The following PLXDC2 variants were observed in gnomAD, a reference collection of about 807,000 sequenced individuals.
The protein encoded by PLXDC2 is plexin domain containing 2.
A neutral mutation model predicts 68.9 loss-of-function variants in PLXDC2; 40 were observed. The observed-to-expected ratio is 0.58, with a 90% confidence interval of 0.45 to 0.76. PLXDC2 has a LOEUF of 0.76. Among genes scored for constraint, PLXDC2 ranks in the 30% least tolerant of loss-of-function variants. The probability of loss-of-function intolerance (pLI) is 0.00; values close to 1 mark genes in which losing one functional copy is unlikely to be tolerated. For missense variants in PLXDC2, 644 were observed against 661.9 expected, an observed-to-expected ratio of 0.97 and a Z score of 0.30; for synonymous variants, 243 against 234.2, an observed-to-expected ratio of 1.04 and a Z score of -0.34.
chr10:19,849,564 G>A (rs779198287), intron 1 of PLXDC2, among the ~76,000 whole-genome samples: 11 of 152,008 alleles, frequency 7.2e-5, no homozygotes, highest in Non-Finnish European at 1.6e-4. Flanking sequence ...TGGCTTTATA[G>A]TGGGCCTTTC....
chr10:20,019,106 A>AG (rs1233083106), intron 2 of PLXDC2, among the ~76,000 whole-genome samples: 1 of 152,206 alleles, frequency 6.6e-6, no homozygotes, highest in African/African-American at 2.4e-5. Context: ...ATAGAGAGAC[A>AG]GCGTATCAAT....
chr10:20,245,154 C>T (rs1006018300), intron 12 of PLXDC2, among the ~76,000 whole-genome samples, 191 bp from the exon 13 acceptor site: 3 of 152,172 alleles, frequency 2.0e-5, no homozygotes, highest in Non-Finnish European at 4.4e-5. Context: ...TGTATTTTTA[C>T]TCATGAATCC....
rs1043065089 is a variant in PLXDC2 at position 20,109,611 on chromosome 10, A to C, written c.542-33684A>C. Among the ~76,000 whole-genome samples the C allele has an allele frequency of 2.0e-5, 3 of 152,148 alleles. No homozygotes were observed. In the East Asian group the frequency reaches 5.8e-4, roughly 29 times the overall value. On this transcript the variant is annotated intron_variant, in intron 4 of 13. Coordinates refer to ENST00000377252, the MANE Select transcript of PLXDC2 (RefSeq NM_032812.9). ...ATATTCTTAATGATTGTAAGCATTA[A>C]TTTTCTATTTGAAAGCCATCTTTCA... is the stretch of plus-strand genomic sequence containing the variant.
chr10:19,947,525 G>A (rs941419289), intron 1 of PLXDC2, among the ~76,000 whole-genome samples: 1 of 152,088 alleles, frequency 6.6e-6, no homozygotes, highest in African/African-American at 2.4e-5. Flanking sequence ...AAAACATCTT[G>A]TGCTTTACTG....
chr10:19,820,397 C>T (rs1589483016), intron 1 of PLXDC2, among the ~76,000 whole-genome samples: 1 of 151,304 alleles, frequency 6.6e-6, no homozygotes, highest in East Asian at 2.0e-4. Context: ...TTTGGGAGGC[C>T]GAGGCGGGTG....
chr10:20,014,337 C>T (rs1165159293), intron 2 of PLXDC2, among the ~76,000 whole-genome samples: 7 of 122,968 alleles, frequency 5.7e-5, no homozygotes, highest in East Asian at 2.7e-4. Context: ...CTTCTCCCCA[C>T]CTCCCTCCCT....
At chr10:20,130,834 G>A (rs1833857991) in intron 4 of PLXDC2, among the ~76,000 whole-genome samples, 1 of 152,078 alleles carries the variant, frequency 6.6e-6, no homozygotes. Context: ...AAACCCATGT[G>A]ATCATGGGTA....
At chr10:19,980,018 T>C (rs1196373895) in intron 1 of PLXDC2, among the ~76,000 whole-genome samples, 1 of 152,220 alleles carries the variant, frequency 6.6e-6, no homozygotes, top group Non-Finnish European at 1.5e-5. Context: ...TGAAGTAATA[T>C]AAAAGCATCT....
chr10:19,883,804 C>T (rs188723993), intron 1 of PLXDC2, among the ~76,000 whole-genome samples: 12 of 150,706 alleles, frequency 8.0e-5, no homozygotes, highest in African/African-American at 2.9e-4. Context: ...CCCCCACCTC[C>T]GTACTTGTTA....
At chr10:19,884,178 T>G (rs2131353462) in intron 1 of PLXDC2, among the ~76,000 whole-genome samples, 1 of 151,956 alleles carries the variant, frequency 6.6e-6, no homozygotes, top group African/African-American at 2.4e-5. Context: ...ATTACAGGTG[T>G]GAACCACTGT....
chr10:20,007,657 G>A (rs543676334), intron 2 of PLXDC2, among the ~76,000 whole-genome samples: 3 of 152,334 alleles, frequency 2.0e-5, no homozygotes, highest in South Asian at 2.1e-4. Flanking sequence ...ACTTTAACAA[G>A]CTTACAAATC....
intron 4 of PLXDC2, among the ~76,000 whole-genome samples, chr10:20,071,469 G>A (rs1373666955): frequency 6.6e-6 from 1 of 152,136 alleles, no homozygotes; most frequent in Non-Finnish European, 1.5e-5. Flanking sequence ...TTCCTGTGCT[G>A]TTCTCATGAT....
chr10:20,146,527 C>T (rs1233833082), intron 5 of PLXDC2, among the ~76,000 whole-genome samples: 1 of 147,620 alleles, frequency 6.8e-6, no homozygotes, highest in Non-Finnish European at 1.5e-5. Context: ...TTCCTCCCTC[C>T]CTCCCTCCCT....
chr10:19,904,178 C>T (rs184407655), intron 1 of PLXDC2, among the ~76,000 whole-genome samples: 104 of 152,246 alleles, frequency 6.8e-4, no homozygotes, highest in African/African-American at 2.3e-3. Context: ...GTAGAATGTT[C>T]TGTAAATATT....
intron 2 of PLXDC2, among the ~76,000 whole-genome samples, chr10:20,005,339 T>G (rs1835010205): frequency 6.6e-6 from 1 of 152,110 alleles, no homozygotes; most frequent in Admixed American, 6.6e-5. Context: ...CAAGATTCAT[T>G]TATTTTGTTG....
At position 20,063,643 on chromosome 10, in the gene PLXDC2, CAT is replaced by C. The variant is rs146038388; in HGVS notation, c.472-4525_472-4524del. On this transcript the variant is annotated intron_variant, in intron 3 of 13. Coordinates refer to ENST00000377252, the MANE Select transcript of PLXDC2 (RefSeq NM_032812.9). ...TAGTGTGAAAATGGATAGCAATTAA[CAT>C]AGGAAAAATATGTAAAGAAGGCAAG... 7.6e-4 allele frequency among the ~76,000 whole-genome samples: 116 copies of C among 152,194 alleles called. 1 individual carries two copies. The East Asian group carries it at 0.022, about 29-fold the overall frequency.
intron 1 of PLXDC2, among the ~76,000 whole-genome samples, chr10:19,903,522 AT>A (rs1179755939): frequency 1.3e-5 from 2 of 151,864 alleles, no homozygotes; most frequent in African/African-American, 4.8e-5. Context: ...CAGTTGTAAT[AT>A]CCCCCATTTC....
At chr10:19,872,449 C>T (rs1837556685) in intron 1 of PLXDC2, among the ~76,000 whole-genome samples, 1 of 152,204 alleles carries the variant, frequency 6.6e-6, no homozygotes, top group Non-Finnish European at 1.5e-5. Context: ...ATCAGCCCAG[C>T]AGAGCTGGTG....
chr10:20,143,307 C>T lies in PLXDC2; in HGVS notation c.554C>T (p.Thr185Ile). The change falls in exon 5 of 14, where the codon ACT becomes ATT. Residue 185 changes from threonine (T) to isoleucine (I), a missense_variant. By Grantham distance (89) the Thr-to-Ile change is moderately conservative. This residue lies in a region of PLXDC2 where 113 missense variants were observed against 167.1 expected (regional missense o/e 0.68). Coordinates refer to ENST00000377252, the MANE Select transcript of PLXDC2 (RefSeq NM_032812.9). ...ITVATGGFIY[T>I]GEVVHRMLTA... ...TTTCTAATTCTAGGTTTCATATACA[C>T]TGGAGAAGTCGTACATCGAATGCTA... The T allele has an allele frequency of 6.2e-7, 1 of 1,612,392 alleles. No individual in the cohort carries two copies. The highest frequency in any genetic ancestry group is 8.5e-7 in the Non-Finnish European group (1 of 1,178,878).
Sources: allele counts gnomAD v4.1 joint callset (sites outside exome capture counted in the v4.1 genomes callset), GRCh38; gene constraint gnomAD v4.1.1; regional missense constraint gnomAD v4.1.1; transcripts MANE v1.5; gene names NCBI Gene and HGNC (gene_info 2026-07-23, HGNC 2026-07-21).